Variants in GTF3C5 observed in about 807,000 individuals in gnomAD.
The protein encoded by GTF3C5 is general transcription factor IIIC subunit 5, also known as general transcription factor 3C polypeptide 5.
Under a neutral mutation model 61.0 loss-of-function variants are expected in GTF3C5, and 47 were observed. That is an observed-to-expected ratio of 0.77 (90% CI 0.61 to 0.98). The LOEUF (loss-of-function observed/expected upper bound fraction) is 0.98, where lower values mean the gene tolerates loss of function less well. Among genes scored for constraint, GTF3C5 ranks in the 50% least tolerant of loss-of-function variants. The pLI is 0.00. For missense variants in GTF3C5, 659 were observed against 703.3 expected (o/e 0.94, Z 0.71); for synonymous variants, 295 against 275.4 (o/e 1.07, Z -0.71).
intron 4 of GTF3C5, 197 bp from the exon 5 acceptor site, chr9:133,051,863 T>G: frequency 2.2e-6 from 1 of 446,208 alleles, no homozygotes; most frequent in South Asian, 4.4e-5. Context: ...AGGCTGGGCA[T>G]GCAGCCCAGG....
chr9:133,050,845 G>A lies in GTF3C5; in HGVS notation c.635G>A (p.Arg212His). ...CTGATTGGCCTGAGCAGAGCCCGGC[G>A]CCCCCACAATGCCATCTTTGTCAAC... ...ENLIGLSRAR[R>H]PHNAIFVNFE... Residue 212 changes from arginine (R) to histidine (H), a missense_variant, in exon 4 of 11, where the codon CGC becomes CAC. By Grantham distance (29) the Arg-to-His change is conservative (BLOSUM62 0). Coordinates refer to ENST00000372097, the MANE Select transcript of GTF3C5 (RefSeq NM_012087.4). 7 of 1,613,984 alleles carry A rather than the reference G, an allele frequency of 4.3e-6. No homozygotes were observed. The highest frequency in any genetic ancestry group is 5.1e-6 in the Non-Finnish European group (6 of 1,179,872).
In GTF3C5 at chr9:133,056,098, C is replaced by T. The variant is rs187879215; in HGVS notation, c.1250+4C>T. 1.9e-3 allele frequency: 2,991 copies of T among 1,612,942 alleles called. 9 individuals are homozygous for T. Among genetic ancestry groups the T allele is most frequent in the South Asian group, 4.2e-3 (385 of 91,046 alleles). On this transcript the variant is annotated splice_donor_region_variant and intron_variant, in intron 9 of 10. Transcript: ENST00000372097. The stretch of plus-strand genomic sequence containing the variant: ...TATGCGACTTGAATGTGGAAGAGTA[C>T]GTATGGGAGGGGCCCTGAGACACTG...
intron 3 of GTF3C5, among the ~76,000 whole-genome samples, chr9:133,048,321 C>A (rs1172065868): frequency 1.3e-5 from 2 of 152,060 alleles, no homozygotes; most frequent in African/African-American, 4.8e-5. Context: ...ACAGTGAAAC[C>A]CTGTCTCTAC....
intron 10 of GTF3C5, among the ~76,000 whole-genome samples, chr9:133,057,557 A>G (rs645736): frequency 0.034 from 5,215 of 152,226 alleles, 109 homozygotes; most frequent in East Asian, 0.069. Context: ...TTTCCCAGAG[A>G]AAATGGTGTG....
chr9:133,033,172 AT>A (rs1255234685), intron 1 of GTF3C5, among the ~76,000 whole-genome samples: 1 of 152,184 alleles, frequency 6.6e-6, no homozygotes, highest in Non-Finnish European at 1.5e-5. Flanking sequence ...TCCCGCAGCT[AT>A]TTGATTACAA....
chr9:133,043,935 C>T lies in GTF3C5; in HGVS notation c.572+9C>T. 2.5e-6 allele frequency: 4 copies of T among 1,603,294 alleles called. No homozygotes were observed. The highest frequency in any genetic ancestry group is 3.4e-6 in the Non-Finnish European group (4 of 1,170,634). On this transcript the variant is annotated intron_variant, in intron 3 of 10. Coordinates refer to ENST00000372097, the MANE Select transcript of GTF3C5 (RefSeq NM_012087.4). ...CCAGAGACCCAGCACCGGTAAGGCC[C>T]CCCTCCATGCAGCCTCGGTTCTCTA...
chr9:133,036,822 G>T (rs1849877077), intron 1 of GTF3C5, among the ~76,000 whole-genome samples: 1 of 152,142 alleles, frequency 6.6e-6, no homozygotes, highest in African/African-American at 2.4e-5. Flanking sequence ...AGAAGGACAC[G>T]ATCCCTTCGA....
At chr9:133,044,503 TC>T in intron 3 of GTF3C5, 1 of 153,542 alleles carries the variant, frequency 6.5e-6, no homozygotes, top group Non-Finnish European at 1.4e-5. Flanking sequence ...CTTCCTTTGC[TC>T]CCCATGGCCT....
rs560652702 is a variant in GTF3C5, at chr9:133,048,121, C to T, written c.573-2662C>T. 4.0e-5 allele frequency among the ~76,000 whole-genome samples: 6 copies of T among 150,730 alleles called. No homozygotes were observed. In the East Asian group the frequency reaches 5.9e-4, roughly 15 times the overall value. On this transcript the variant is annotated intron_variant, in intron 3 of 10. Transcript: ENST00000372097. Reference sequence around the variant, plus strand: ...TCCAGCCTGGGTGACAGAGTGGGACCGTGTTTTAAAAAAAAAAAGTGGTTT... The same window carrying T: ...TCCAGCCTGGGTGACAGAGTGGGACTGTGTTTTAAAAAAAAAAAGTGGTTT...
intron 1 of GTF3C5, among the ~76,000 whole-genome samples, chr9:133,032,364 G>C (rs1457590197): frequency 1.3e-5 from 2 of 152,168 alleles, no homozygotes; most frequent in Non-Finnish European, 2.9e-5. Context: ...TTACAGTGAC[G>C]GGACGAGCGA....
At position 133,056,016 on chromosome 9, in the gene GTF3C5, C is replaced by CT; in HGVS notation, c.1173dup (p.Val392CysfsTer35). Reference sequence around the variant, plus strand: ...TCTCTCCCCCTTTGTCACCAGGACTCTGTCTACATCTTCCGGGAAGGGGCC... The same window carrying CT: ...TCTCTCCCCCTTTGTCACCAGGACTCTTGTCTACATCTTCCGGGAAGGGGCC... On this transcript the variant is annotated frameshift_variant, in exon 9 of 11. Transcript: ENST00000372097. LOFTEE classifies it high-confidence loss of function. 6.2e-7 allele frequency: 1 copy of CT among 1,614,132 alleles called. No homozygotes were observed. The highest frequency in any genetic ancestry group is 1.7e-4 in the Middle Eastern group (1 of 6,060).
rs201440334 is a variant in GTF3C5 at position 133,056,893 on chromosome 9, C to T, written c.1378C>T (p.Arg460Cys). The change falls in exon 10 of 11, where the codon CGC becomes TGC. Residue 460 changes from arginine to cysteine, a missense_variant. Coordinates refer to ENST00000372097, the MANE Select transcript of GTF3C5 (RefSeq NM_012087.4). Reference protein sequence around the residue: ...TMSLMIRQTIRSKRPALFSSS... With the variant: ...TMSLMIRQTICSKRPALFSSS... ...GTCCCTCATGATCCGGCAGACCATC[C>T]GCTCCAAGAGGCCTGGTAAGAGCCG... The T allele has an allele frequency of 7.3e-5, 117 of 1,603,452 alleles. No individual in the cohort carries two copies. The highest frequency in any genetic ancestry group is 3.6e-4 in the East Asian group (16 of 44,068).
At chr9:133,038,021 G>A (rs1029176992) in intron 1 of GTF3C5, among the ~76,000 whole-genome samples, 23 of 152,150 alleles carry the variant, frequency 1.5e-4, no homozygotes, top group African/African-American at 4.8e-4. Flanking sequence ...AGCTGATCTC[G>A]ATTGGCTATT....
Position 133,050,812 on chromosome 9 carries a change from G to C in GTF3C5, c.602G>C (p.Gly201Ala), listed in dbSNP as rs765792009. 2 of 1,613,922 alleles carry C rather than the reference G, an allele frequency of 1.2e-6. No homozygotes were observed. Among genetic ancestry groups the C allele is most frequent in the South Asian group, 2.2e-5 (2 of 91,048 alleles). The change falls in exon 4 of 11, where the codon GGT becomes GCT. Residue 201 changes from glycine to alanine, a missense_variant. Transcript: ENST00000372097. ...REGYNNPPIS[G>A]ENLIGLSRAR... ...GGCTACAACAATCCCCCCATCTCAG[G>C]TGAGAATCTGATTGGCCTGAGCAGA...
intron 4 of GTF3C5, 144 bp from the exon 5 acceptor site, chr9:133,051,916 G>A: frequency 1.9e-6 from 1 of 519,012 alleles, no homozygotes; most frequent in Non-Finnish European, 3.4e-6. Flanking sequence ...GGAGGTCCTA[G>A]GGCCACGCCC....
intron 2 of GTF3C5, 72 bp downstream of exon 2, chr9:133,042,378 G>A: frequency 2.0e-6 from 2 of 1,013,276 alleles, no homozygotes; most frequent in South Asian, 1.3e-5. Context: ...CAGGAGCTGT[G>A]TGGGTCATCT....
chr9:133,052,006 C>T (rs575382825), intron 4 of GTF3C5, 54 bp from the exon 5 acceptor site: 53 of 955,676 alleles, frequency 5.5e-5, no homozygotes, highest in Non-Finnish European at 8.1e-5. Context: ...AGTTCAGGGC[C>T]GAAGGGTGGA....
chr9:133,031,371 G>A (rs1373934398), intron 1 of GTF3C5, among the ~76,000 whole-genome samples: 2 of 152,150 alleles, frequency 1.3e-5, no homozygotes, highest in Non-Finnish European at 2.9e-5. Flanking sequence ...TGGTTTTTCA[G>A]GCGGAGTTTC....
intron 3 of GTF3C5, among the ~76,000 whole-genome samples, chr9:133,049,438 A>G (rs548120124): frequency 1.3e-5 from 2 of 152,358 alleles, no homozygotes; most frequent in Non-Finnish European, 2.9e-5. Context: ...TATTCTTTGT[A>G]AGTGTGCAGA....
Sources: allele counts gnomAD v4.1 joint callset (sites outside exome capture counted in the v4.1 genomes callset), GRCh38; gene constraint gnomAD v4.1.1; transcripts MANE v1.5; gene names NCBI Gene and HGNC (gene_info 2026-07-23, HGNC 2026-07-21).